The following BCLAF3 variants were observed in gnomAD, a reference collection of about 807,000 sequenced individuals.
BCLAF3 encodes transient octamer binding factor 1.
BCLAF3 carries 24 observed loss-of-function variants against 51.2 expected under a neutral mutation model. The observed-to-expected ratio is 0.47, with a 90% CI of 0.34 to 0.66. The LOEUF (loss-of-function observed/expected upper bound fraction) is 0.66, where lower values mean the gene tolerates loss of function less well. Ranked by LOEUF, BCLAF3 falls within the 30% of genes least tolerant of loss-of-function variation. The pLI is 0.01. For synonymous variants in BCLAF3, 152 were observed against 176.6 expected, an observed-to-expected ratio of 0.86 and a Z score of 1.10; for missense variants, 465 against 525.1, an observed-to-expected ratio of 0.89 and a Z score of 1.12.
At chrX:19,964,970 T>C (rs2147953670) in intron 4 of BCLAF3, 74 bp downstream of exon 4, 2 of 904,835 alleles carry the variant, frequency 2.2e-6, no homozygotes, top group African/African-American at 2.1e-5. Context: ...ACACTATTAA[T>C]TCCATTTTTG....
chrX:19,961,833 C>T (rs1475314721), intron 4 of BCLAF3, among the ~76,000 whole-genome samples: 1 of 112,197 alleles, frequency 8.9e-6, no homozygotes, highest in Non-Finnish European at 1.9e-5. Flanking sequence ...GCAGTGGAGG[C>T]TATTACACAA....
intron 1 of BCLAF3, among the ~76,000 whole-genome samples, chrX:19,981,538 T>TA (rs1414443346): frequency 8.9e-6 from 1 of 111,995 alleles, no homozygotes; most frequent in African/African-American, 3.2e-5. Flanking sequence ...CCCCACAAGT[T>TA]AAACATAGAG....
chrX:19,920,753 G>A lies in BCLAF3; in HGVS notation c.2107-3419C>T, dbSNP rs1336395747. 2.8e-5 allele frequency among the ~76,000 whole-genome samples: 3 copies of A among 108,812 alleles called. No homozygotes were observed. The Admixed American group carries it at 3.0e-4, about 11-fold the overall frequency. 94.5% of individuals were successfully genotyped at this position (108,812 alleles called of 115,157 possible). A position where few individuals can be genotyped will look rare whatever the true frequency, so the allele number is the denominator to read the frequency against. ...GGAGGATCACTTAAGCCCGGGAGGT[G>A]GAGGCTGCAGTGAGCTGTGATCACA... On this transcript the variant is annotated intron_variant, in intron 11 of 11. Coordinates refer to ENST00000379682, the MANE Select transcript of BCLAF3 (RefSeq NM_001367774.2).
chrX:19,986,547 A>G (rs147186986), intron 1 of BCLAF3, among the ~76,000 whole-genome samples: 2 of 112,134 alleles, frequency 1.8e-5, no homozygotes, highest in Non-Finnish European at 3.8e-5. Context: ...ACCTTGGAAC[A>G]CAGAATCTCA....
intron 1 of BCLAF3, among the ~76,000 whole-genome samples, chrX:19,980,477 C>T (rs1373755712): frequency 8.9e-6 from 1 of 112,170 alleles, no homozygotes; most frequent in Non-Finnish European, 1.9e-5. Context: ...ATAGGGAATT[C>T]TGCACTCACT....
rs748034456 is a variant in BCLAF3 at position 19,979,152 on chromosome X, T to C, written c.-34-8854A>G. On this transcript the variant is annotated intron_variant, in intron 1 of 11. Coordinates refer to ENST00000379682, the MANE Select transcript of BCLAF3 (RefSeq NM_001367774.2). ...GCATACACCTATAATCCCAGCTACT[T>C]GGAAGGCTGAGGCAGGAGAATCACT... is the stretch of plus-strand genomic sequence containing the variant. 3.6e-5 allele frequency among the ~76,000 whole-genome samples: 4 copies of C among 110,479 alleles called. No homozygotes were observed. The East Asian group carries it at 1.2e-3, about 32-fold the overall frequency.
chrX:19,937,929 G>C (rs772391394), intron 8 of BCLAF3, among the ~76,000 whole-genome samples: 30 of 111,769 alleles, frequency 2.7e-4, no homozygotes, highest in African/African-American at 7.2e-4. Context: ...TCTTACTGGT[G>C]GAAGCACCAA....
At chrX:19,963,026 A>G (rs965750536) in intron 4 of BCLAF3, among the ~76,000 whole-genome samples, 1 of 108,635 alleles carries the variant, frequency 9.2e-6, no homozygotes, top group Non-Finnish European at 1.9e-5. Context: ...TCAAGGCTGC[A>G]GTGAGCCATA....
intron 7 of BCLAF3, among the ~76,000 whole-genome samples, chrX:19,952,669 A>G (rs1178905404): frequency 1.8e-5 from 2 of 111,649 alleles, no homozygotes; most frequent in Non-Finnish European, 3.8e-5. Context: ...AAAAATAGGT[A>G]CCTAACATAC....
At chrX:19,925,819 C>T (rs916798931) in intron 11 of BCLAF3, among the ~76,000 whole-genome samples, 2 of 112,028 alleles carry the variant, frequency 1.8e-5, no homozygotes, top group African/African-American at 3.2e-5. Flanking sequence ...AGTTTATACA[C>T]ATGGAATGGG....
chrX:19,913,837 T>A lies in BCLAF3; in HGVS notation c.*3468A>T, dbSNP rs1472772721. On this transcript the variant is annotated 3_prime_UTR_variant, in exon 12 of 12. Coordinates refer to ENST00000379682, the MANE Select transcript of BCLAF3 (RefSeq NM_001367774.2). ...TCTTAAGTCTTTATCCCACTTTACC[T>A]CCTCCATGTCTGAATTTGTCAATGT... is the stretch of plus-strand genomic sequence containing the variant. The A allele has an allele frequency of 3.6e-5, 4 of 112,231 alleles. No individual in the cohort carries two copies. The highest frequency in any genetic ancestry group is 7.5e-5 in the Non-Finnish European group (4 of 53,234). The allele number at this position is 112,231 out of a possible 1,213,427, so 9.2% of individuals were successfully genotyped here.
At chrX:19,941,514 T>C (rs1221010902) in intron 8 of BCLAF3, among the ~76,000 whole-genome samples, 1 of 106,225 alleles carries the variant, frequency 9.4e-6, no homozygotes, top group East Asian at 2.8e-4. Flanking sequence ...CCCAGCACCA[T>C]TTATTAAATA....
At chrX:19,974,885 A>AAAAT (rs1157623037) in intron 1 of BCLAF3, among the ~76,000 whole-genome samples, 1 of 111,500 alleles carries the variant, frequency 9.0e-6, no homozygotes, top group East Asian at 2.8e-4. Context: ...GCATCTCAAA[A>AAAAT]AAATAAATAA....
intron 1 of BCLAF3, among the ~76,000 whole-genome samples, chrX:19,973,449 A>G (rs1048847105): frequency 2.7e-5 from 3 of 111,885 alleles, no homozygotes; most frequent in Non-Finnish European, 5.6e-5. Flanking sequence ...AAAAGATTAA[A>G]CAAATGTAAG....
intron 9 of BCLAF3, among the ~76,000 whole-genome samples, chrX:19,936,816 G>A (rs1452972849): frequency 9.0e-6 from 1 of 111,149 alleles, no homozygotes; most frequent in Non-Finnish European, 1.9e-5. Context: ...GGTGGCAAAG[G>A]GGAGTAACGA....
intron 1 of BCLAF3, among the ~76,000 whole-genome samples, chrX:19,973,576 G>A (rs1036169801): frequency 2.7e-5 from 3 of 111,149 alleles, no homozygotes; most frequent in Non-Finnish European, 5.7e-5. Context: ...GGCCATGCTC[G>A]TCCAGCACAT....
At chrX:19,941,305 G>C (rs1258605255) in intron 8 of BCLAF3, among the ~76,000 whole-genome samples, 1 of 106,438 alleles carries the variant, frequency 9.4e-6, no homozygotes, top group East Asian at 2.8e-4. Context: ...TTTGGCTTTT[G>C]TTGCCATTGC....
At chrX:19,969,626 G>A (rs927074481) in intron 2 of BCLAF3, among the ~76,000 whole-genome samples, 1 of 111,828 alleles carries the variant, frequency 8.9e-6, no homozygotes. Flanking sequence ...TTTCCCCACT[G>A]TATCATAGTT....
intron 2 of BCLAF3, among the ~76,000 whole-genome samples, chrX:19,969,063 A>G (rs2072166945): frequency 8.9e-6 from 1 of 112,139 alleles, no homozygotes; most frequent in African/African-American, 3.2e-5. Flanking sequence ...CAGTGAGCTG[A>G]GATCACGCCA....
Sources: gnomAD v4.1 joint callset for allele counts (sites outside exome capture counted in the v4.1 genomes callset) on GRCh38, gnomAD v4.1.1 for gene constraint, MANE v1.5 for transcripts, NCBI Gene and HGNC (gene_info 2026-07-23, HGNC 2026-07-21) for gene names.